Variants in PTK2 observed in about 807,000 individuals in gnomAD.
PTK2 encodes the protein protein tyrosine kinase 2, also known as focal adhesion kinase 1.
Under a neutral mutation model 150.1 loss-of-function variants are expected in PTK2, and 45 were observed. The observed-to-expected ratio is 0.30, with a 90% CI of 0.24 to 0.38. The LOEUF is 0.38. Among genes scored for constraint, PTK2 ranks in the 10% least tolerant of loss-of-function variants. The pLI, the probability that PTK2 is intolerant of heterozygous loss-of-function variation, is 1.00. For missense variants in PTK2, 919 were observed against 1,307.3 expected, an observed-to-expected ratio of 0.70 and a Z score of 4.58; for synonymous variants, 432 against 449.2, an observed-to-expected ratio of 0.96 and a Z score of 0.48.
intron 7 of PTK2, among the ~76,000 whole-genome samples, chr8:140,843,733 A>C (rs539539257): frequency 6.6e-6 from 1 of 151,868 alleles, no homozygotes; most frequent in South Asian, 2.1e-4. Context: ...ATAGTTTTAG[A>C]TTTACAAAAG....
intron 1 of PTK2, among the ~76,000 whole-genome samples, chr8:140,947,639 G>A (rs2154609015): frequency 6.6e-6 from 1 of 151,684 alleles, no homozygotes; most frequent in Non-Finnish European, 1.5e-5. Context: ...TTTTTTTAAA[G>A]GTAAATAAGA....
Position 140,928,193 on chromosome 8 carries a change from G to A in PTK2, c.-121-2444C>T, listed in dbSNP as rs551677953. On this transcript the variant is annotated intron_variant, in intron 1 of 31. Transcript: ENST00000522684. ...AATGGTTGTTATTCCAGCTTACCAA[G>A]AAATTTCAGGAGTCACTTTGCTAAT... Among the ~76,000 whole-genome samples the A allele has an allele frequency of 3.3e-5, 5 of 151,884 alleles. 1 individual carries two copies. The South Asian group carries it at 1.0e-3, about 32-fold the overall frequency.
chr8:140,892,663 G>A, intron 2 of PTK2: 1 of 409,840 alleles, frequency 2.4e-6, no homozygotes, highest in Non-Finnish European at 4.7e-6. Context: ...TAACAGCACA[G>A]TAAAAGGAAA....
intron 10 of PTK2, among the ~76,000 whole-genome samples, chr8:140,808,366 A>C (rs1472127527): frequency 6.6e-6 from 1 of 152,188 alleles, no homozygotes. Flanking sequence ...TGAGAAGTGC[A>C]GTGCAAGGAA....
chr8:140,793,330 CA>C (rs1294722007), intron 13 of PTK2, 23 bp downstream of exon 13: 1 of 1,595,072 alleles, frequency 6.3e-7, no homozygotes, highest in Non-Finnish European at 8.5e-7. Context: ...AACAAAATAA[CA>C]GTACAAAAAA....
At chr8:140,881,175 C>T (rs1314661525) in intron 3 of PTK2, among the ~76,000 whole-genome samples, 2 of 152,146 alleles carry the variant, frequency 1.3e-5, no homozygotes, top group African/African-American at 4.8e-5. Flanking sequence ...GATCCAAGCC[C>T]AGAATTCCTG....
chr8:140,905,447 T>C (rs1175676889), intron 2 of PTK2, among the ~76,000 whole-genome samples: 1 of 151,950 alleles, frequency 6.6e-6, no homozygotes, highest in Non-Finnish European at 1.5e-5. Flanking sequence ...TATATAATGG[T>C]AAAGAGATCA....
chr8:140,990,242 T>A (rs1482184105), intron 1 of PTK2, among the ~76,000 whole-genome samples: 3 of 152,098 alleles, frequency 2.0e-5, no homozygotes, highest in African/African-American at 7.2e-5. Context: ...ATTTTTTTTT[T>A]TTTTTATTTT....
intron 1 of PTK2, among the ~76,000 whole-genome samples, chr8:140,945,158 A>AC (rs1400951373): frequency 4.6e-5 from 7 of 152,232 alleles, no homozygotes; most frequent in African/African-American, 1.7e-4. Context: ...TTAGATGCCA[A>AC]GATTATTAAG....
At chr8:140,959,231 ATT>A (rs2100182225) in intron 1 of PTK2, among the ~76,000 whole-genome samples, 1 of 152,092 alleles carries the variant, frequency 6.6e-6, no homozygotes, top group African/African-American at 2.4e-5. Flanking sequence ...ACACACATAT[ATT>A]TTTTAAACAA....
At chr8:140,815,279 G>T (rs1031912059) in intron 10 of PTK2, among the ~76,000 whole-genome samples, 2 of 151,528 alleles carry the variant, frequency 1.3e-5, no homozygotes, top group African/African-American at 2.4e-5. Flanking sequence ...GGAGCTGGAG[G>T]CCATTATCTT....
Position 140,711,376 on chromosome 8 carries a change from G to C in PTK2, c.2143-5171C>G, listed in dbSNP as rs184115876. On this transcript the variant is annotated intron_variant, in intron 23 of 31. Coordinates refer to ENST00000522684, the Ensembl canonical transcript of PTK2. ...CTCATCTTGGCTGCCCAAAGTGCTG[G>C]GGTTACAGGCGTGAGCCACCATGCC... Among the ~76,000 whole-genome samples, 679 of 152,252 alleles carry C rather than the reference G, an allele frequency of 4.5e-3. 4 individuals carry two copies. The highest frequency in any genetic ancestry group is 0.015 in the African/African-American group (643 of 41,536).
chr8:140,729,196 G>A (rs2100047737), intron 22 of PTK2, among the ~76,000 whole-genome samples: 3 of 152,162 alleles, frequency 2.0e-5, no homozygotes. Flanking sequence ...ACAGCACATG[G>A]TTAAGACAAA....
intron 7 of PTK2, among the ~76,000 whole-genome samples, chr8:140,845,753 G>A (rs943312963): frequency 6.6e-6 from 1 of 152,118 alleles, no homozygotes; most frequent in African/African-American, 2.4e-5. Context: ...ATGAAGTATA[G>A]GGTTTCTAGC....
rs377644564 is a variant in PTK2, at chr8:140,800,582, G to C, written c.976-6C>G. Reference sequence around the variant, plus strand: ...GGTGCCGTCACTGTCAGAGGCTAACGGAGAAAAGATCAAGAAAACAGACTT... The same window carrying C: ...GGTGCCGTCACTGTCAGAGGCTAACCGAGAAAAGATCAAGAAAACAGACTT... On this transcript the variant is annotated splice_region_variant and splice_polypyrimidine_tract_variant and intron_variant, in intron 11 of 31. Transcript: ENST00000522684. 2 of 1,604,948 alleles carry C rather than the reference G, an allele frequency of 1.2e-6. No individual in the cohort carries two copies. Among genetic ancestry groups the C allele is most frequent in the Admixed American group, 3.3e-5 (2 of 59,968 alleles).
chr8:140,691,382 T>C (rs1384670378), intron 26 of PTK2, among the ~76,000 whole-genome samples: 2 of 152,228 alleles, frequency 1.3e-5, no homozygotes, highest in African/African-American at 4.8e-5. Flanking sequence ...TGTAGCAATA[T>C]GTGATAGCAT....
chr8:140,848,430 C>T (rs1047282272), intron 5 of PTK2, among the ~76,000 whole-genome samples: 2 of 137,272 alleles, frequency 1.5e-5, no homozygotes, highest in Admixed American at 1.6e-4. Flanking sequence ...AGGCTGGGTG[C>T]TCAATAAATA....
At chr8:140,952,861 C>T (rs2100179971) in intron 1 of PTK2, among the ~76,000 whole-genome samples, 1 of 152,174 alleles carries the variant, frequency 6.6e-6, no homozygotes, top group Non-Finnish European at 1.5e-5. Flanking sequence ...CTACAAGTTA[C>T]AAACTGACAA....
chr8:140,711,801 T>A (rs1478618926), intron 23 of PTK2, among the ~76,000 whole-genome samples: 2 of 152,238 alleles, frequency 1.3e-5, no homozygotes, highest in African/African-American at 4.8e-5. Context: ...GCTTTATACA[T>A]GCATGCATAA....
Sources: allele counts gnomAD v4.1 joint callset (sites outside exome capture counted in the v4.1 genomes callset), GRCh38; gene constraint gnomAD v4.1.1; transcripts MANE v1.5; gene names NCBI Gene and HGNC (gene_info 2026-07-23, HGNC 2026-07-21).